The following SGCD variants were observed in gnomAD, a reference collection of about 807,000 sequenced individuals.
The protein encoded by SGCD is delta-sarcoglycan.
Under a neutral mutation model 36.6 loss-of-function variants are expected in SGCD, and 18 were observed. That is an observed-to-expected ratio of 0.49 (90% CI 0.34 to 0.73). The LOEUF is 0.73. SGCD is among the 30% of genes least tolerant of loss of function. SGCD has a pLI of 0.01. For missense variants in SGCD, 387 were observed against 346.7 expected, an observed-to-expected ratio of 1.12 and a Z score of -0.92; for synonymous variants, 133 against 130.6, an observed-to-expected ratio of 1.02 and a Z score of -0.12.
chr5:155,899,866 G>A (rs368063618), intron 1 of SGCD, among the ~76,000 whole-genome samples: 6 of 152,118 alleles, frequency 3.9e-5, no homozygotes, highest in African/African-American at 9.7e-5. Context: ...CAGACAGTTC[G>A]CATGGAATTA....
At chr5:155,738,729 TGAGAGAGTGTGTGC>T in the SGCD span, among the ~76,000 whole-genome samples, 1 of 148,234 alleles carries the variant, frequency 6.7e-6, no homozygotes, top group Non-Finnish European at 1.5e-5. Context: ...AGAGTGTGTG[TGAGAGAGTGTGTGC>T]ATGTGAGTGT....
chr5:155,768,381 G>A, the SGCD span, among the ~76,000 whole-genome samples: 2 of 151,504 alleles, frequency 1.3e-5, no homozygotes, highest in Admixed American at 6.6e-5. Flanking sequence ...TGCAACAAAT[G>A]CCTGTTGAGC....
chr5:156,255,251 C>T (rs571531734), intron 3 of SGCD, among the ~76,000 whole-genome samples: 1 of 152,228 alleles, frequency 6.6e-6, no homozygotes, highest in Non-Finnish European at 1.5e-5. Context: ...TGTAGTAAAC[C>T]ATTCTTGCAT....
At chr5:155,864,719 G>C in the SGCD span, among the ~76,000 whole-genome samples, 32 of 148,106 alleles carry the variant, frequency 2.2e-4, no homozygotes, top group East Asian at 6.1e-3. Flanking sequence ...ACAAGTCACT[G>C]TAATCTCACT....
At chr5:156,292,536 T>C (rs1057370765) in intron 3 of SGCD, among the ~76,000 whole-genome samples, 75 of 152,292 alleles carry the variant, frequency 4.9e-4, no homozygotes, top group African/African-American at 1.6e-3. Context: ...TTTTAGCTAT[T>C]GTAAACAATG....
chr5:155,739,330 T>G, the SGCD span, among the ~76,000 whole-genome samples: 3 of 152,070 alleles, frequency 2.0e-5, no homozygotes, highest in Non-Finnish European at 2.9e-5. Context: ...ACAAAGGCTG[T>G]GATGTGGGAC....
intron 4 of SGCD, among the ~76,000 whole-genome samples, chr5:156,529,007 G>A (rs1182837120): frequency 6.6e-6 from 1 of 152,140 alleles, no homozygotes; most frequent in Non-Finnish European, 1.5e-5. Flanking sequence ...GCATACCAGA[G>A]TCCACTGCAG....
chr5:155,858,087 C>T, the SGCD span, among the ~76,000 whole-genome samples: 20 of 152,094 alleles, frequency 1.3e-4, no homozygotes, highest in South Asian at 2.1e-4. Context: ...ATGTATAGCG[C>T]GTGTATATAC....
chr5:156,061,443 T>C (rs1760204120), intron 1 of SGCD, among the ~76,000 whole-genome samples: 1 of 146,206 alleles, frequency 6.8e-6, no homozygotes, highest in South Asian at 2.1e-4. Context: ...CTAATGGATG[T>C]TTTTAAATTC....
At chr5:156,754,266 T>G (rs750955470) in intron 7 of SGCD, among the ~76,000 whole-genome samples, 2 of 152,206 alleles carry the variant, frequency 1.3e-5, no homozygotes, top group Admixed American at 1.3e-4. Flanking sequence ...CTCTGTAAGC[T>G]CCATACTTTT....
chr5:156,265,937 C>G (rs780728372), intron 3 of SGCD, among the ~76,000 whole-genome samples: 1 of 152,072 alleles, frequency 6.6e-6, no homozygotes, highest in Non-Finnish European at 1.5e-5. Context: ...TAAATAATGA[C>G]TATTACTGAC....
intron 1 of SGCD, among the ~76,000 whole-genome samples, chr5:156,093,252 G>C (rs1025736771): frequency 6.6e-6 from 1 of 152,148 alleles, no homozygotes; most frequent in African/African-American, 2.4e-5. Context: ...AGGCTTTCCT[G>C]CCCATACCAC....
At chr5:156,499,182 T>A (rs997958440) in intron 3 of SGCD, among the ~76,000 whole-genome samples, 1 of 152,186 alleles carries the variant, frequency 6.6e-6, no homozygotes, top group African/African-American at 2.4e-5. Context: ...GGGCTAATAG[T>A]GCCTACCCTT....
At chr5:156,711,760 C>T (rs986162980) in intron 7 of SGCD, among the ~76,000 whole-genome samples, 14 of 152,166 alleles carry the variant, frequency 9.2e-5, no homozygotes, top group Non-Finnish European at 1.9e-4. Flanking sequence ...CTGATCCAGA[C>T]CCCAAGAGAG....
At chr5:156,124,801 A>G (rs1400739678) in intron 3 of SGCD, among the ~76,000 whole-genome samples, 1 of 151,956 alleles carries the variant, frequency 6.6e-6, no homozygotes, top group Admixed American at 6.6e-5. Flanking sequence ...GCTTAGAACC[A>G]CCATTTGTGG....
At chr5:156,696,941 CACA>C (rs891284446) in intron 7 of SGCD, among the ~76,000 whole-genome samples, 35 of 146,078 alleles carry the variant, frequency 2.4e-4, no homozygotes, top group Non-Finnish European at 4.4e-4. Flanking sequence ...CACACACACA[CACA>C]CACACACACA....
chr5:156,093,929 T>C (rs1048128494), intron 1 of SGCD, among the ~76,000 whole-genome samples: 6 of 152,194 alleles, frequency 3.9e-5, no homozygotes, highest in Non-Finnish European at 5.9e-5. Context: ...CCCAATAATG[T>C]CTGGCAGGCT....
chr5:156,490,880 T>G (rs2127849160), intron 3 of SGCD, among the ~76,000 whole-genome samples: 1 of 152,134 alleles, frequency 6.6e-6, no homozygotes, highest in Admixed American at 6.5e-5. Flanking sequence ...AGGAAAAAAT[T>G]AAAAGTTATC....
At chr5:156,634,827 G>A (rs982755513) in intron 6 of SGCD, among the ~76,000 whole-genome samples, 37 of 152,112 alleles carry the variant, frequency 2.4e-4, no homozygotes, top group African/African-American at 8.2e-4. Context: ...GCTTGAAATG[G>A]AGAGGAGAGG....
Sources: gnomAD v4.1 joint callset for allele counts (sites outside exome capture counted in the v4.1 genomes callset) on GRCh38, gnomAD v4.1.1 for gene constraint, MANE v1.5 for transcripts, NCBI Gene and HGNC (gene_info 2026-07-23, HGNC 2026-07-21) for gene names.